PRKN: variants seen among roughly 807,000 people sequenced by gnomAD.
PRKN encodes parkin RBR E3 ubiquitin protein ligase, also known as E3 ubiquitin-protein ligase parkin.
In PRKN, 56 loss-of-function variants were observed where a neutral mutation model predicts 59.5. That is an observed-to-expected ratio of 0.94 (90% CI 0.76 to 1.18). The LOEUF (loss-of-function observed/expected upper bound fraction) is 1.18. Ranked by LOEUF, PRKN falls within the 50% of genes most tolerant of loss-of-function variation. The probability of loss-of-function intolerance (pLI) is 0.00; values close to 1 mark genes in which losing one functional copy is unlikely to be tolerated. For missense variants in PRKN, 657 were observed against 596.4 expected (o/e 1.10, Z -1.06); for synonymous variants, 250 against 222.1 (o/e 1.13, Z -1.12).
intron 7 of PRKN, among the ~76,000 whole-genome samples, chr6:161,719,046 T>C (rs1383914091): frequency 1.3e-5 from 2 of 152,192 alleles, no homozygotes; most frequent in African/African-American, 4.8e-5. Flanking sequence ...TTGCTCGCTG[T>C]TTAATTACTC....
At chr6:162,520,281 G>A (rs1002654648) in intron 1 of PRKN, among the ~76,000 whole-genome samples, 19 of 152,150 alleles carry the variant, frequency 1.2e-4, no homozygotes, top group Admixed American at 1.3e-4. Context: ...CATTTTATTA[G>A]CTGATGTTTT....
At chr6:162,227,623 C>A (rs1371064734) in intron 3 of PRKN, among the ~76,000 whole-genome samples, 1 of 152,124 alleles carries the variant, frequency 6.6e-6, no homozygotes, top group African/African-American at 2.4e-5. Context: ...CCTGAAGGTA[C>A]AAAGCTGAGG....
chr6:161,872,359 G>A lies in PRKN; in HGVS notation c.735-86451C>T, dbSNP rs770631096. On this transcript the variant is annotated intron_variant, in intron 6 of 11. Coordinates refer to ENST00000366898, the MANE Select transcript of PRKN (RefSeq NM_004562.3). ...GAGAATGCATTTATATATTTAAACA[G>A]GGCAGCATTTAATACCTCTAGGGAT... Among the ~76,000 whole-genome samples the A allele has an allele frequency of 2.5e-4, 38 of 152,110 alleles. No homozygotes were observed. The South Asian group carries it at 2.7e-3, about 11-fold the overall frequency.
intron 7 of PRKN, among the ~76,000 whole-genome samples, chr6:161,631,068 C>T (rs1279775178): frequency 6.6e-6 from 1 of 152,162 alleles, no homozygotes; most frequent in Non-Finnish European, 1.5e-5. Flanking sequence ...ACTTTGTGCT[C>T]CCAGCCACAG....
chr6:161,750,118 T>TATATACACAC (rs1269147499), intron 7 of PRKN, among the ~76,000 whole-genome samples: 1 of 137,742 alleles, frequency 7.3e-6, no homozygotes, highest in African/African-American at 2.7e-5. Flanking sequence ...TATATATATA[T>TATATACACAC]ACACACACAC....
intron 4 of PRKN, among the ~76,000 whole-genome samples, chr6:162,091,286 A>C (rs571400994): frequency 6.6e-6 from 1 of 152,198 alleles, no homozygotes; most frequent in Non-Finnish European, 1.5e-5. Context: ...TACATCCGAT[A>C]ACTGCCTACA....
chr6:161,610,056 T>C (rs1273674710), intron 7 of PRKN, among the ~76,000 whole-genome samples: 1 of 152,236 alleles, frequency 6.6e-6, no homozygotes, highest in East Asian at 1.9e-4. Flanking sequence ...TGCAGAATTA[T>C]TTTATCATTA....
At chr6:161,505,120 A>G (rs1359486422) in intron 9 of PRKN, among the ~76,000 whole-genome samples, 2 of 152,134 alleles carry the variant, frequency 1.3e-5, no homozygotes, top group Non-Finnish European at 2.9e-5. Flanking sequence ...ACAATGGTCG[A>G]ACTAGTTTAC....
chr6:162,207,976 A>C (rs1256983859), intron 3 of PRKN, among the ~76,000 whole-genome samples: 1 of 152,212 alleles, frequency 6.6e-6, no homozygotes, highest in African/African-American at 2.4e-5. Context: ...CCTACCAACC[A>C]GACACCCTTT....
chr6:162,407,917 C>T (rs1788155075), intron 2 of PRKN, among the ~76,000 whole-genome samples: 1 of 150,994 alleles, frequency 6.6e-6, no homozygotes, highest in African/African-American at 2.4e-5. Context: ...GTATTTTACA[C>T]ATTTTAAAGT....
intron 4 of PRKN, among the ~76,000 whole-genome samples, chr6:162,119,450 T>A (rs963101939): frequency 6.6e-6 from 1 of 152,180 alleles, no homozygotes; most frequent in African/African-American, 2.4e-5. Context: ...GCCAACTACT[T>A]TTCCCAAAAT....
chr6:161,409,938 A>G lies in PRKN; in HGVS notation c.1084-23061T>C, dbSNP rs886323712. Among the ~76,000 whole-genome samples, 3 of 152,196 alleles carry G rather than the reference A, an allele frequency of 2.0e-5. No homozygotes were observed. Among genetic ancestry groups the G allele is most frequent in the African/African-American group, 7.2e-5 (3 of 41,432 alleles). On this transcript the variant is annotated intron_variant, in intron 9 of 11. Transcript: ENST00000366898. The surrounding 1 kb of genome is among the most constrained non-coding windows in gnomAD (Gnocchi z 4.6). Reference sequence around the variant, plus strand: ...TTTCAGGTGAGAAGCAGAATTGGAAAATATTTCAGGGAGTATTTGAAACAG... The same window carrying G: ...TTTCAGGTGAGAAGCAGAATTGGAAGATATTTCAGGGAGTATTTGAAACAG...
At chr6:161,732,540 A>T (rs113041623) in intron 7 of PRKN, among the ~76,000 whole-genome samples, 1 of 151,842 alleles carries the variant, frequency 6.6e-6, no homozygotes, top group African/African-American at 2.4e-5. Flanking sequence ...AAGCCTTTAA[A>T]ACTTTTATTA....
At chr6:161,957,420 G>T (rs74757455) in intron 6 of PRKN, among the ~76,000 whole-genome samples, 1,429 of 96,932 alleles carry the variant, frequency 0.015, 17 homozygotes, top group South Asian at 0.025. Context: ...TTTTTTTTTT[G>T]TTTGTTTGTT....
At chr6:161,751,450 GTAC>G (rs1196680610) in intron 7 of PRKN, among the ~76,000 whole-genome samples, 1 of 152,078 alleles carries the variant, frequency 6.6e-6, no homozygotes, top group Non-Finnish European at 1.5e-5. Context: ...CACTAAATCT[GTAC>G]TACATTACAC....
chr6:161,744,537 G>A (rs761692930), intron 7 of PRKN, among the ~76,000 whole-genome samples: 6 of 152,074 alleles, frequency 3.9e-5, no homozygotes, highest in Non-Finnish European at 8.8e-5. Context: ...CGAGATCCCT[G>A]CCCTAGAGAC....
At chr6:161,469,929 A>G (rs534487458) in intron 9 of PRKN, among the ~76,000 whole-genome samples, 1 of 152,374 alleles carries the variant, frequency 6.6e-6, no homozygotes, top group East Asian at 1.9e-4. Context: ...CATAGCATTA[A>G]TAATAGTGGT....
At chr6:162,599,371 ACAAG>A (rs1044796022) in intron 1 of PRKN, among the ~76,000 whole-genome samples, 2 of 152,078 alleles carry the variant, frequency 1.3e-5, no homozygotes, top group African/African-American at 4.8e-5. Flanking sequence ...ACCCGACCTC[ACAAG>A]CAGGACAGGT....
At chr6:162,171,577 G>A (rs1018863077) in intron 4 of PRKN, among the ~76,000 whole-genome samples, 3 of 152,100 alleles carry the variant, frequency 2.0e-5, no homozygotes, top group Non-Finnish European at 4.4e-5. Context: ...GGTCTGTGGT[G>A]TTCAGTAAAA....
Sources: gnomAD v4.1 joint callset for allele counts (sites outside exome capture counted in the v4.1 genomes callset) on GRCh38, gnomAD v4.1.1 for gene constraint, Gnocchi (gnomAD v3.1) non-coding constraint, MANE v1.5 for transcripts, NCBI Gene and HGNC (gene_info 2026-07-23, HGNC 2026-07-21) for gene names.